FREM3: variants seen among roughly 807,000 people sequenced by gnomAD.
FREM3 encodes the protein FRAS1 related extracellular matrix 3.
Under a neutral mutation model 129.1 loss-of-function variants are expected in FREM3, and 105 were observed. The ratio of observed to expected loss-of-function variants is 0.81; its 90% CI spans 0.69 to 0.96. FREM3 has a LOEUF of 0.96. FREM3 is among the 40% of genes least tolerant of loss of function. The pLI, the probability that FREM3 is intolerant of heterozygous loss-of-function variation, is 0.00. For missense variants in FREM3, 2,593 were observed against 2,666.3 expected, an observed-to-expected ratio of 0.97 and a Z score of 0.61; for synonymous variants, 1,014 against 1,044.9, an observed-to-expected ratio of 0.97 and a Z score of 0.57.
At chr4:143,669,055 C>T (rs1271620613) in intron 2 of FREM3, among the ~76,000 whole-genome samples, 4 of 151,858 alleles carry the variant, frequency 2.6e-5, no homozygotes, top group South Asian at 2.1e-4. Flanking sequence ...AAGTCATTTA[C>T]GTATTGAAAC....
chr4:143,696,967 G>A lies in FREM3; in HGVS notation c.3709C>T (p.Arg1237Trp), dbSNP rs1340819573. 2.6e-6 allele frequency: 4 copies of A among 1,537,776 alleles called. No homozygotes were observed. The Admixed American group carries it at 5.9e-5, about 23-fold the overall frequency. Reference sequence around the variant, plus strand: ...AGCTGCTGTATGATTCGTCCATGCCGAGGGAGGGCTGTGAGTTGAAAGTGG... The same window carrying A: ...AGCTGCTGTATGATTCGTCCATGCCAAGGGAGGGCTGTGAGTTGAAAGTGG... The part of the protein sequence containing the change: ...ELHFQLTALP[R>W]HGRIIQQLAT... Residue 1237 changes from arginine (R) to tryptophan (W), a missense_variant, in exon 1 of 8, where the codon CGG (arginine) becomes TGG (tryptophan). By Grantham distance (101) the Arg-to-Trp change is moderately radical. Transcript: ENST00000329798.
At chr4:143,684,728 C>T (rs906599397) in intron 2 of FREM3, among the ~76,000 whole-genome samples, 4 of 152,092 alleles carry the variant, frequency 2.6e-5, no homozygotes, top group African/African-American at 4.8e-5. Flanking sequence ...CAGCGGAAGG[C>T]GAAGCCCAAT....
chr4:143,623,493 T>TTC (rs1738989130), intron 4 of FREM3, among the ~76,000 whole-genome samples: 18 of 68,522 alleles, frequency 2.6e-4, no homozygotes, highest in Non-Finnish European at 3.7e-4. Context: ...TGAATACTAA[T>TTC]CCCCCCCCCC....
chr4:143,647,600 C>A (rs1437360739), intron 2 of FREM3, among the ~76,000 whole-genome samples: 1 of 152,112 alleles, frequency 6.6e-6, no homozygotes, highest in Non-Finnish European at 1.5e-5. Flanking sequence ...CTAAAAGGGG[C>A]CAACATACAG....
At chr4:143,615,009 C>T (rs981455131) in intron 5 of FREM3, among the ~76,000 whole-genome samples, 3 of 152,168 alleles carry the variant, frequency 2.0e-5, no homozygotes, top group African/African-American at 7.2e-5. Context: ...AAATTAATAA[C>T]TTATTTACAA....
chr4:143,616,106 T>A (rs1250525789), intron 5 of FREM3, among the ~76,000 whole-genome samples: 1 of 152,158 alleles, frequency 6.6e-6, no homozygotes, highest in Non-Finnish European at 1.5e-5. Context: ...AGAAAAAACA[T>A]CTCTACAAAG....
intron 4 of FREM3, among the ~76,000 whole-genome samples, chr4:143,622,588 C>A (rs1738971096): frequency 6.6e-6 from 1 of 152,024 alleles, no homozygotes; most frequent in African/African-American, 2.4e-5. Context: ...GGAGAAAAGA[C>A]CAGTGATAGT....
intron 2 of FREM3, among the ~76,000 whole-genome samples, chr4:143,633,539 G>A (rs1560852012): frequency 6.6e-6 from 1 of 152,238 alleles, no homozygotes; most frequent in South Asian, 2.1e-4. Flanking sequence ...ACTTGTTTTT[G>A]TCTTGTTGTG....
intron 2 of FREM3, among the ~76,000 whole-genome samples, chr4:143,676,012 A>G (rs1233929490): frequency 6.6e-6 from 1 of 152,234 alleles, no homozygotes; most frequent in African/African-American, 2.4e-5. Flanking sequence ...ATCAATAGAA[A>G]AAGAGTGAAT....
At chr4:143,621,701 C>T (rs1320718501) in intron 4 of FREM3, among the ~76,000 whole-genome samples, 1 of 152,038 alleles carries the variant, frequency 6.6e-6, no homozygotes. Flanking sequence ...CTGAAATTTA[C>T]TGAGTTGTGT....
In FREM3 at chr4:143,644,865, T is replaced by G. The variant is rs1408791211; in HGVS notation, c.5276-17105A>C. Among the ~76,000 whole-genome samples the G allele has an allele frequency of 2.0e-5, 3 of 152,298 alleles. No individual in the cohort carries two copies. In the East Asian group the frequency reaches 5.8e-4, roughly 29 times the overall value. The stretch of plus-strand genomic sequence containing the variant: ...TATTAGGGTAGGTGGCCTTTTGGTT[T>G]CCCAGGGAAAGCCCAGGAAGAAGTT... On this transcript the variant is annotated intron_variant, in intron 2 of 7. Coordinates refer to ENST00000329798, the MANE Select transcript of FREM3 (RefSeq NM_001168235.2).
At chr4:143,577,995 C>T in intron 7 of FREM3, 143 bp from the exon 8 acceptor site, 1 of 968,820 alleles carries the variant, frequency 1.0e-6, no homozygotes, top group Non-Finnish European at 1.5e-6. Context: ...GGGTTTGATC[C>T]CCAGAAGGGG....
chr4:143,662,393 T>C lies in FREM3; in HGVS notation c.5275+30720A>G, dbSNP rs576232599. On this transcript the variant is annotated intron_variant, in intron 2 of 7. Coordinates refer to ENST00000329798, the MANE Select transcript of FREM3 (RefSeq NM_001168235.2). The stretch of plus-strand genomic sequence containing the variant: ...GTTGTTCAGTTTCCATGTAGTTGAG[T>C]GGTTTTGAGTGAGTTTCTTAATCCT... Among the ~76,000 whole-genome samples, 43 of 152,244 alleles carry C rather than the reference T, an allele frequency of 2.8e-4. No individual in the cohort carries two copies. The South Asian group carries it at 4.6e-3, about 16-fold the overall frequency.
At chr4:143,579,130 T>G (rs1338711250) in intron 7 of FREM3, among the ~76,000 whole-genome samples, 1 of 151,520 alleles carries the variant, frequency 6.6e-6, no homozygotes, top group Non-Finnish European at 1.5e-5. Flanking sequence ...TCCAAAAAAT[T>G]TTCTAAAAGG....
intron 6 of FREM3, among the ~76,000 whole-genome samples, chr4:143,611,040 G>A (rs1253371695): frequency 1.4e-5 from 2 of 147,652 alleles, no homozygotes; most frequent in African/African-American, 2.7e-5. Context: ...TCCTTGGGCT[G>A]TGCTTTTTCT....
rs138986589 is a variant in FREM3 at position 143,695,659 on chromosome 4, G to A, written c.5017C>T (p.Arg1673Cys). Residue 1673 changes from arginine to cysteine, a missense_variant, in exon 1 of 8, where the codon CGC becomes TGC. This residue lies in a region of FREM3 where 2,276 missense variants were observed against 2,267.2 expected (regional missense o/e 1.00). Transcript: ENST00000329798. ...TTNRGAPALK[R>C]LHTGHMGFLI... ...AAGCCCATGTGTCCAGTGTGAAGGC[G>A]CTTCAAGGCTGGGGCACCCCTGTTG... The A allele has an allele frequency of 9.8e-5, 150 of 1,537,232 alleles. No homozygotes were observed. The African/African-American group carries it at 1.7e-3, about 17-fold the overall frequency.
chr4:143,615,536 A>C (rs1738827613), intron 5 of FREM3, among the ~76,000 whole-genome samples: 1 of 152,162 alleles, frequency 6.6e-6, no homozygotes. Context: ...CGGCTGGAGC[A>C]GCATGGGAGC....
chr4:143,687,330 A>G (rs1248484249), intron 2 of FREM3, among the ~76,000 whole-genome samples: 1 of 151,716 alleles, frequency 6.6e-6, no homozygotes, highest in African/African-American at 2.4e-5. Flanking sequence ...ACCAATAACA[A>G]GCAGTGAGAT....
intron 1 of FREM3, 117 bp downstream of exon 1, chr4:143,695,374 T>C (rs1740545000): frequency 1.1e-6 from 1 of 891,046 alleles, no homozygotes; most frequent in Admixed American, 3.1e-5. Flanking sequence ...CACTGTATTT[T>C]ATTAGAACAA....
Sources: gnomAD v4.1 joint callset for allele counts (sites outside exome capture counted in the v4.1 genomes callset) on GRCh38, gnomAD v4.1.1 for gene constraint, gnomAD v4.1.1 regional missense constraint, MANE v1.5 for transcripts, NCBI Gene and HGNC (gene_info 2026-07-23, HGNC 2026-07-21) for gene names.